Variants in TTF2 observed in about 807,000 individuals in gnomAD.
TTF2 encodes the protein RNA polymerase II termination factor.
In TTF2, 108 loss-of-function variants were observed where a neutral mutation model predicts 142.4. The ratio of observed to expected loss-of-function variants is 0.76; its 90% CI spans 0.65 to 0.89. TTF2 has a LOEUF of 0.89. Ranked by LOEUF, TTF2 falls within the 40% of genes least tolerant of loss-of-function variation. The pLI is 0.00. For synonymous variants in TTF2, 483 were observed against 506.2 expected, an observed-to-expected ratio of 0.95 and a Z score of 0.61; for missense variants, 1,327 against 1,379.8, an observed-to-expected ratio of 0.96 and a Z score of 0.61.
chr1:117,097,368 C>G lies in TTF2; in HGVS notation c.3204C>G (p.Leu1068=), dbSNP rs577125490. The part of the protein sequence containing the change: ...SRGPQVMLIS[L]LAGGVGLNLT... Reference sequence around the variant, plus strand: ...TTTTGAAGGTAATGCTAATCTCTCTCTTGGCCGGAGGTGTTGGTCTAAACC... The same window carrying G: ...TTTTGAAGGTAATGCTAATCTCTCTGTTGGCCGGAGGTGTTGGTCTAAACC... The change falls in exon 21 of 23, where the codon CTC becomes CTG. Residue 1068 remains leucine (L), a synonymous_variant. Coordinates refer to ENST00000369466, the MANE Select transcript of TTF2 (RefSeq NM_003594.4). The surrounding 1 kb of genome is among the most constrained non-coding windows in gnomAD (Gnocchi z 4.1). 6.2e-7 allele frequency: 1 copy of G among 1,614,116 alleles called. No homozygotes were observed. The highest frequency in any genetic ancestry group is 1.3e-5 in the African/African-American group (1 of 75,028).
chr1:117,062,427 G>A lies in TTF2; in HGVS notation c.172G>A (p.Val58Ile). The A allele has an allele frequency of 6.2e-7, 1 of 1,612,828 alleles. No homozygotes were observed. Among genetic ancestry groups the A allele is most frequent in the African/African-American group, 1.3e-5 (1 of 74,664 alleles). Residue 58 changes from valine (V) to isoleucine (I), a missense_variant, in exon 3 of 23, where the codon GTA becomes ATA. By Grantham distance (29) the Val-to-Ile change is conservative. Transcript: ENST00000369466. ...TTGCTTATTGCATGAGGACTTTGTG[G>A]TAGAGCTTCAGGGTTTGCTTCTGCC... The part of the protein sequence containing the change: ...SHCLLHEDFV[V>I]ELQGLLLPQD...
At chr1:117,065,843 A>T in intron 3 of TTF2, among the ~76,000 whole-genome samples, 1 of 152,170 alleles carries the variant, frequency 6.6e-6, no homozygotes, top group Non-Finnish European at 1.5e-5. Flanking sequence ...CCATACAGAC[A>T]TACTGTGGTA....
Position 117,063,650 on chromosome 1 carries a change from G to A in TTF2, c.218+1177G>A, listed in dbSNP as rs983035833. 1.3e-5 allele frequency among the ~76,000 whole-genome samples: 2 copies of A among 151,992 alleles called. No homozygotes were observed. The highest frequency in any genetic ancestry group is 6.6e-5 in the Admixed American group (1 of 15,254). ...TGCCTATTTGCCATCAGAAAATCTC[G>A]ACGTTATCTGTTTAAATATTTTATC... is the stretch of plus-strand genomic sequence containing the variant. On this transcript the variant is annotated intron_variant, in intron 3 of 22. Coordinates refer to ENST00000369466, the MANE Select transcript of TTF2 (RefSeq NM_003594.4). The surrounding 1 kb of genome is among the most constrained non-coding windows in gnomAD (Gnocchi z 4.1).
In TTF2 at chr1:117,086,132, T is replaced by C. The variant is rs1647976565; in HGVS notation, c.2055-285T>C. On this transcript the variant is annotated intron_variant, in intron 11 of 22. Transcript: ENST00000369466. The surrounding 1 kb of genome is among the most constrained non-coding windows in gnomAD (Gnocchi z 4.2). ...ATTATATTATCCCAGCCAGAGAATT[T>C]TCTTTCTGACTCACTGGATGGTAAG... is the stretch of plus-strand genomic sequence containing the variant. 6.6e-6 allele frequency among the ~76,000 whole-genome samples: 1 copy of C among 152,210 alleles called. No individual in the cohort carries two copies. The highest frequency in any genetic ancestry group is 6.5e-5 in the Admixed American group (1 of 15,288).
intron 3 of TTF2, among the ~76,000 whole-genome samples, chr1:117,065,085 A>G (rs1359618514): frequency 6.6e-6 from 1 of 152,174 alleles, no homozygotes; most frequent in Non-Finnish European, 1.5e-5. Flanking sequence ...CCATTTGCCT[A>G]TCTTTACATA....
rs1467516285 is a variant in TTF2 at position 117,090,480 on chromosome 1, T to G, written c.2497-52T>G. The G allele has an allele frequency of 2.0e-6, 3 of 1,524,418 alleles. No homozygotes were observed. Among genetic ancestry groups the G allele is most frequent in the Non-Finnish European group, 2.7e-6 (3 of 1,106,492 alleles). The allele number at this position is 1,524,418 out of a possible 1,614,324, so 94.4% of individuals were successfully genotyped here. A position where few individuals can be genotyped will look rare whatever the true frequency, so the allele number is the denominator to read the frequency against. On this transcript the variant is annotated intron_variant, in intron 14 of 22. Coordinates refer to ENST00000369466, the MANE Select transcript of TTF2 (RefSeq NM_003594.4). This position sits in a 1 kb window ranked among gnomAD's most constrained non-coding sequence, Gnocchi z 4.8. ...TCAGTATGGGGAATTTGTTCTATAA[T>G]AGGCAGTTAATTTGTATAGCTTCAT...
At chr1:117,096,653 C>T (rs1570884179) in intron 20 of TTF2, among the ~76,000 whole-genome samples, 1 of 152,234 alleles carries the variant, frequency 6.6e-6, no homozygotes, top group Non-Finnish European at 1.5e-5. Flanking sequence ...GCTGGGGTTA[C>T]AGGCGTAAGC....
chr1:117,071,063 T>G (rs1028307333), intron 3 of TTF2, among the ~76,000 whole-genome samples: 4 of 152,090 alleles, frequency 2.6e-5, no homozygotes, highest in African/African-American at 9.7e-5. Context: ...TTTAATGAGT[T>G]AGAAAGCAGC....
rs1648671203 is a variant in TTF2, at chr1:117,092,364, A to G, written c.2806-367A>G. ...TATAAAAACTCAGATAGTTATACAG[A>G]CTGAAAAGTTGCCCCTACCTTGGAT... is the stretch of plus-strand genomic sequence containing the variant. On this transcript the variant is annotated intron_variant, in intron 17 of 22. Transcript: ENST00000369466. This position sits in a 1 kb window ranked among gnomAD's most constrained non-coding sequence, Gnocchi z 4.4. 6.6e-6 allele frequency among the ~76,000 whole-genome samples: 1 copy of G among 152,146 alleles called. No individual in the cohort carries two copies. The highest frequency in any genetic ancestry group is 6.5e-5 in the Admixed American group (1 of 15,282).
chr1:117,060,374 G>A lies in TTF2; in HGVS notation c.28G>A (p.Gly10Arg). 2 of 1,607,046 alleles carry A rather than the reference G, an allele frequency of 1.2e-6. No individual in the cohort carries two copies. The highest frequency in any genetic ancestry group is 1.7e-6 in the Non-Finnish European group (2 of 1,176,112). The stretch of plus-strand genomic sequence containing the variant: ...GGAAGAAGTTAGGTGTCCAGAGCAC[G>A]GTAAGGGGCTAGGGTCTCAGCGTCC... MEEVRCPEH[G>R]TFCFLKTGVR... is the part of the protein sequence containing the mutation. The change falls in exon 1 of 23, where the codon GGG (glycine) becomes AGG (arginine). Residue 10 changes from glycine to arginine, a missense_variant and splice_region_variant. Coordinates refer to ENST00000369466, the MANE Select transcript of TTF2 (RefSeq NM_003594.4).
rs1473470420 is a variant in TTF2, at chr1:117,075,954, C to T, written c.1275+95C>T. ...TTGCTACAGAAGGGTTAAATATGTT[C>T]ATGTGAAGGTTTTATAGGTGCATGT... On this transcript the variant is annotated intron_variant, in intron 5 of 22. Transcript: ENST00000369466. This position sits in a 1 kb window ranked among gnomAD's most constrained non-coding sequence, Gnocchi z 4.5. 1 of 1,483,338 alleles carries T rather than the reference C, an allele frequency of 6.7e-7. No homozygotes were observed. The highest frequency in any genetic ancestry group is 9.0e-7 in the Non-Finnish European group (1 of 1,116,690). The allele number at this position is 1,483,338 out of a possible 1,614,324, so 91.9% of individuals were successfully genotyped here. A position where few individuals can be genotyped will look rare whatever the true frequency, so the allele number is the denominator to read the frequency against.
intron 19 of TTF2, among the ~76,000 whole-genome samples, chr1:117,095,936 A>T (rs1164763063): frequency 6.6e-6 from 1 of 152,104 alleles, no homozygotes; most frequent in African/African-American, 2.4e-5. Context: ...TTCATTTAGC[A>T]CTAAATAAAT....
At position 117,088,369 on chromosome 1, in the gene TTF2, C is replaced by T. The variant is rs558934132; in HGVS notation, c.2161-432C>T. Among the ~76,000 whole-genome samples, 49 of 152,280 alleles carry T rather than the reference C, an allele frequency of 3.2e-4. 1 individual carries two copies. The highest frequency in any genetic ancestry group is 2.0e-3 in the Admixed American group (30 of 15,294). On this transcript the variant is annotated intron_variant, in intron 12 of 22. Coordinates refer to ENST00000369466, the MANE Select transcript of TTF2 (RefSeq NM_003594.4). ...TGGCTAACACGATGAAACCCCGACT[C>T]TACTAAAAATACAAAAAATTAGCCG...
chr1:117,076,106 A>T lies in TTF2; in HGVS notation c.1276-74A>T. ...CATAATTTCAGAGTTTGGGTGTTTC[A>T]GGCTATTTTAATCTGAAACTATTCA... On this transcript the variant is annotated intron_variant, in intron 5 of 22. Coordinates refer to ENST00000369466, the MANE Select transcript of TTF2 (RefSeq NM_003594.4). The surrounding 1 kb of genome is among the most constrained non-coding windows in gnomAD (Gnocchi z 4.6). 6.9e-7 allele frequency: 1 copy of T among 1,443,296 alleles called. No individual in the cohort carries two copies. The highest frequency in any genetic ancestry group is 2.3e-5 in the East Asian group (1 of 43,698). The allele number at this position is 1,443,296 out of a possible 1,614,324, so 89.4% of individuals were successfully genotyped here. A position where few individuals can be genotyped will look rare whatever the true frequency, so the allele number is the denominator to read the frequency against.
chr1:117,075,568 A>G lies in TTF2; in HGVS notation c.984A>G (p.Pro328=). The G allele has an allele frequency of 1.2e-6, 2 of 1,614,206 alleles. No homozygotes were observed. The highest frequency in any genetic ancestry group is 1.1e-5 in the South Asian group (1 of 91,076). Reference sequence around the variant, plus strand: ...ACAGTGTGCCTGCTCCTGGAGGACCAGCGGCTCAGGCTGCACCAGCAGCAC... The same window carrying G: ...ACAGTGTGCCTGCTCCTGGAGGACCGGCGGCTCAGGCTGCACCAGCAGCAC... ...ETHSVPAPGG[P]AAQAAPAAPG... is the part of the protein sequence containing the mutation. The change falls in exon 5 of 23, where the codon CCA becomes CCG. Residue 328 remains proline, a synonymous_variant. Transcript: ENST00000369466. This position sits in a 1 kb window ranked among gnomAD's most constrained non-coding sequence, Gnocchi z 4.5.
Position 117,086,415 on chromosome 1 carries a change from A to G in TTF2, c.2055-2A>G. ...ATTGATTTCTTTGTTATGTCTACGC[A>G]GCCTCTCTACATATGACATCGTGAT... On this transcript the variant is annotated splice_acceptor_variant, in intron 11 of 22. Coordinates refer to ENST00000369466, the MANE Select transcript of TTF2 (RefSeq NM_003594.4). LOFTEE classifies it high-confidence loss of function. The surrounding 1 kb of genome is among the most constrained non-coding windows in gnomAD (Gnocchi z 4.2). 1 of 1,609,878 alleles carries G rather than the reference A, an allele frequency of 6.2e-7. No individual in the cohort carries two copies. Among genetic ancestry groups the G allele is most frequent in the Non-Finnish European group, 8.5e-7 (1 of 1,176,244 alleles).
chr1:117,077,116 A>C (rs907046154), intron 7 of TTF2, among the ~76,000 whole-genome samples: 1 of 152,074 alleles, frequency 6.6e-6, no homozygotes, highest in Non-Finnish European at 1.5e-5. Flanking sequence ...ATGGGGAAAA[A>C]AAAAAGCCAA....
At position 117,104,003 on chromosome 1, in the gene TTF2, A is replaced by G. The variant is rs1261556315; in HGVS notation, c.*2479A>G. On this transcript the variant is annotated 3_prime_UTR_variant, in exon 23 of 23. Coordinates refer to ENST00000369466, the MANE Select transcript of TTF2 (RefSeq NM_003594.4). ...AGAAAAAAATCCTTACTTTCTCTAC[A>G]CTCTGATTTCCTCATTTGTAAGGTG... 6.6e-6 allele frequency: 1 copy of G among 151,856 alleles called. No homozygotes were observed. The highest frequency in any genetic ancestry group is 1.5e-5 in the Non-Finnish European group (1 of 67,988). 9.4% of individuals were successfully genotyped at this position (151,856 alleles called of 1,614,324 possible).
chr1:117,079,970 C>G lies in TTF2; in HGVS notation c.1783+321C>G, dbSNP rs1647348977. On this transcript the variant is annotated intron_variant, in intron 9 of 22. Coordinates refer to ENST00000369466, the MANE Select transcript of TTF2 (RefSeq NM_003594.4). The surrounding 1 kb of genome is among the most constrained non-coding windows in gnomAD (Gnocchi z 4.2). ...TCGAGGCCAATTTCAGGAGCCATGG[C>G]TAGAGCCAACACACAAACAGCAGTC... Among the ~76,000 whole-genome samples, 1 of 151,070 alleles carries G rather than the reference C, an allele frequency of 6.6e-6. No individual in the cohort carries two copies. The highest frequency in any genetic ancestry group is 1.5e-5 in the Non-Finnish European group (1 of 67,902).
Sources: allele counts gnomAD v4.1 joint callset (sites outside exome capture counted in the v4.1 genomes callset), GRCh38; gene constraint gnomAD v4.1.1; non-coding constraint Gnocchi (gnomAD v3.1); transcripts MANE v1.5; gene names NCBI Gene and HGNC (gene_info 2026-07-23, HGNC 2026-07-21).